Variants in ETV6 observed in about 807,000 individuals in gnomAD.
ETV6 encodes transcription factor ETV6.
A neutral mutation model predicts 51.1 loss-of-function variants in ETV6; 16 were observed. The ratio of observed to expected loss-of-function variants is 0.31; its 90% CI spans 0.21 to 0.48. The LOEUF is 0.48. ETV6 is among the 20% of genes least tolerant of loss of function. The probability of loss-of-function intolerance (pLI) is 0.99; values close to 1 mark genes in which losing one functional copy is unlikely to be tolerated. For synonymous variants in ETV6, 240 were observed against 224.1 expected (o/e 1.07, Z -0.64); for missense variants, 458 against 594.8 (o/e 0.77, Z 2.39).
At chr12:11,886,159 G>T in intron 7 of ETV6, 133 bp downstream of exon 7, 1 of 677,122 alleles carries the variant, frequency 1.5e-6, no homozygotes, top group Admixed American at 2.5e-5. Context: ...CTACAAACTG[G>T]ATACCAGGTA....
At chr12:11,657,744 A>T (rs1328405736) in intron 1 of ETV6, among the ~76,000 whole-genome samples, 1 of 152,206 alleles carries the variant, frequency 6.6e-6, no homozygotes, top group East Asian at 1.9e-4. Context: ...GCTGAGTGCC[A>T]GTTGGTGAGT....
chr12:11,649,690 T>C lies in ETV6; in HGVS notation c.-438T>C, dbSNP rs1268677879. On this transcript the variant is annotated 5_prime_UTR_variant, in exon 1 of 8. Transcript: ENST00000396373. The stretch of plus-strand genomic sequence containing the variant: ...TGGGAATTCACGTCAGTTTCTGCAC[T>C]GAAACTCTCAAGATCAATGAGCAAA... Among the ~76,000 whole-genome samples the C allele has an allele frequency of 6.7e-6, 1 of 149,674 alleles. No homozygotes were observed. Among genetic ancestry groups the C allele is most frequent in the African/African-American group, 2.4e-5 (1 of 41,254 alleles).
At chr12:11,706,048 C>T (rs1252289422) in intron 1 of ETV6, among the ~76,000 whole-genome samples, 1 of 152,220 alleles carries the variant, frequency 6.6e-6, no homozygotes, top group African/African-American at 2.4e-5. Flanking sequence ...GTCTTAGTGG[C>T]TCAGAGGTCC....
chr12:11,692,725 G>T (rs1379505214), intron 1 of ETV6, among the ~76,000 whole-genome samples: 1 of 152,178 alleles, frequency 6.6e-6, no homozygotes, highest in Non-Finnish European at 1.5e-5. Flanking sequence ...TTGCTATCTA[G>T]CTGGGAGAGG....
At chr12:11,825,143 C>T (rs906724593) in intron 2 of ETV6, among the ~76,000 whole-genome samples, 5 of 152,080 alleles carry the variant, frequency 3.3e-5, no homozygotes, top group African/African-American at 9.7e-5. Context: ...GAAAAAGATA[C>T]GAAGCGTGGG....
chr12:11,695,155 C>T (rs991484800), intron 1 of ETV6, among the ~76,000 whole-genome samples: 2 of 152,126 alleles, frequency 1.3e-5, no homozygotes, highest in Admixed American at 1.3e-4. Context: ...CCAAATCTGG[C>T]CCAAATTCAT....
At chr12:11,828,963 G>A (rs899912660) in intron 2 of ETV6, among the ~76,000 whole-genome samples, 3 of 151,996 alleles carry the variant, frequency 2.0e-5, no homozygotes, top group Admixed American at 1.3e-4. Flanking sequence ...TGTCTTACTT[G>A]CCTCAGCCTA....
At chr12:11,765,153 C>T (rs1314650210) in intron 2 of ETV6, among the ~76,000 whole-genome samples, 1 of 152,220 alleles carries the variant, frequency 6.6e-6, no homozygotes, top group Non-Finnish European at 1.5e-5. Context: ...ACATCTACCA[C>T]AACCCAAAAC....
At chr12:11,816,628 G>C (rs1448343430) in intron 2 of ETV6, among the ~76,000 whole-genome samples, 2 of 152,180 alleles carry the variant, frequency 1.3e-5, no homozygotes, top group Non-Finnish European at 2.9e-5. Flanking sequence ...ATAGAGGAGA[G>C]ACCTTAATGT....
Position 11,892,208 on chromosome 12 carries a change from T to A in ETV6, c.*1162T>A, listed in dbSNP as rs1019209132. On this transcript the variant is annotated 3_prime_UTR_variant, in exon 8 of 8. Coordinates refer to ENST00000396373, the MANE Select transcript of ETV6 (RefSeq NM_001987.5). ...TTGTGGTCAGTTTCATGCCCTCACC[T>A]GATTTTTTTTTTTTTTTTTTTTTTT... 1 of 211,354 alleles carries A rather than the reference T, an allele frequency of 4.7e-6. No individual in the cohort carries two copies. The highest frequency in any genetic ancestry group is 2.6e-5 in the African/African-American group (1 of 38,954). The allele number at this position is 211,354 out of a possible 1,614,324, so 13.1% of individuals were successfully genotyped here.
At chr12:11,705,535 AAAT>A (rs1865058611) in intron 1 of ETV6, among the ~76,000 whole-genome samples, 1 of 152,346 alleles carries the variant, frequency 6.6e-6, no homozygotes, top group Non-Finnish European at 1.5e-5. Flanking sequence ...AGTAGCCAAA[AAAT>A]AATAATAACT....
At chr12:11,786,172 C>T (rs1005510324) in intron 2 of ETV6, among the ~76,000 whole-genome samples, 7 of 151,974 alleles carry the variant, frequency 4.6e-5, no homozygotes, top group African/African-American at 1.7e-4. Flanking sequence ...ATGCATTGAC[C>T]ATCACTCAAT....
intron 2 of ETV6, among the ~76,000 whole-genome samples, chr12:11,817,555 A>C (rs980720953): frequency 6.6e-6 from 1 of 152,248 alleles, no homozygotes; most frequent in Non-Finnish European, 1.5e-5. Flanking sequence ...TAATGATCTC[A>C]GTGTCTACTT....
In ETV6 at chr12:11,892,429, CTCAAAAT is replaced by C. The variant is rs1016547986; in HGVS notation, c.*1384_*1390del. ...GGACCCATTTGTGGCTCTTTTTCAC[CTCAAAAT>C]AAGATCGATGGTATCTTGTAAAATG... On this transcript the variant is annotated 3_prime_UTR_variant, in exon 8 of 8. Transcript: ENST00000396373. 1.7e-5 allele frequency: 4 copies of C among 232,508 alleles called. No individual in the cohort carries two copies. The highest frequency in any genetic ancestry group is 8.5e-6 in the Non-Finnish European group (1 of 117,924). The allele number at this position is 232,508 out of a possible 1,614,324, so 14.4% of individuals were successfully genotyped here.
intron 3 of ETV6, among the ~76,000 whole-genome samples, chr12:11,847,862 AC>A (rs1338991222): frequency 6.6e-6 from 1 of 152,192 alleles, no homozygotes; most frequent in Non-Finnish European, 1.5e-5. Context: ...CAGGAAAAAA[AC>A]TTGAAACTGC....
intron 1 of ETV6, among the ~76,000 whole-genome samples, chr12:11,737,371 C>T (rs1449563386): frequency 2.0e-5 from 3 of 152,132 alleles, no homozygotes; most frequent in East Asian, 1.9e-4. Context: ...GTTCTCAACA[C>T]GTTTATGCAA....
chr12:11,812,954 C>G (rs1945936041), intron 2 of ETV6, among the ~76,000 whole-genome samples: 1 of 152,198 alleles, frequency 6.6e-6, no homozygotes, highest in Non-Finnish European at 1.5e-5. Flanking sequence ...GGCTCCCTGA[C>G]ATTCCGGAGG....
At position 11,818,493 on chromosome 12, in the gene ETV6, AC is replaced by A. The variant is rs1299718817; in HGVS notation, c.164-20643del. On this transcript the variant is annotated intron_variant, in intron 2 of 7. Transcript: ENST00000396373. ...CAATGGCCTGGGATTGTGCCACTGC[AC>A]CCCAGCCTGGGCGACAGAGCGAGAG... 5.5e-5 allele frequency among the ~76,000 whole-genome samples: 8 copies of A among 145,974 alleles called. No homozygotes were observed. The East Asian group carries it at 1.7e-3, about 30-fold the overall frequency.
At chr12:11,842,927 C>A (rs967385125) in intron 3 of ETV6, among the ~76,000 whole-genome samples, 5 of 152,140 alleles carry the variant, frequency 3.3e-5, no homozygotes, top group African/African-American at 9.7e-5. Flanking sequence ...GCAAGCAATG[C>A]CAGGACATTC....
Sources: allele counts gnomAD v4.1 joint callset (sites outside exome capture counted in the v4.1 genomes callset), GRCh38; gene constraint gnomAD v4.1.1; transcripts MANE v1.5; gene names NCBI Gene and HGNC (gene_info 2026-07-23, HGNC 2026-07-21).